The following RUSF1 variants were observed in gnomAD, a reference collection of about 807,000 sequenced individuals.
RUSF1 encodes the protein RUS1 family protein C16orf58.
In RUSF1, 58 loss-of-function variants were observed where a neutral mutation model predicts 63.0. The ratio of observed to expected loss-of-function variants is 0.92; its 90% CI spans 0.75 to 1.15. RUSF1 has a LOEUF of 1.15. RUSF1 is among the 50% of genes most tolerant of loss of function. The pLI is 0.00. For missense variants in RUSF1, 652 were observed against 611.0 expected, an observed-to-expected ratio of 1.07 and a Z score of -0.71; for synonymous variants, 274 against 255.8, an observed-to-expected ratio of 1.07 and a Z score of -0.68.
chr16:31,493,670 C>T lies in RUSF1; in HGVS notation c.891G>A (p.Lys297=), dbSNP rs2082586735. 1 of 1,614,120 alleles carries T rather than the reference C, an allele frequency of 6.2e-7. No homozygotes were observed. The highest frequency in any genetic ancestry group is 8.5e-7 in the Non-Finnish European group (1 of 1,180,056). The change falls in exon 8 of 13, where the codon AAG becomes AAA. Residue 297 remains lysine, a synonymous_variant. Transcript: ENST00000327237. The part of the protein sequence containing the change: ...LNEGRLRLVL[K]HYLQRGEVLD... ...GTACCTCTCCCCTCTGAAGGTAGTGCTTCAGGACCAGCCGGAGCCGGCCTT... is the reference window on the plus strand; with the variant it reads ...GTACCTCTCCCCTCTGAAGGTAGTGTTTCAGGACCAGCCGGAGCCGGCCTT...
rs760576182 is a variant in RUSF1 at position 31,507,813 on chromosome 16, C to G, written c.366G>C (p.Gly122=). The change falls in exon 2 of 13, where the codon GGG becomes GGC. Residue 122 remains glycine (G), a synonymous_variant. Transcript: ENST00000327237. Reference sequence around the variant, plus strand: ...CAGCTGAAACAGTGGCTTTTGCGTTCCCCACCCCTATGCCCAGCAAGACTG... The same window carrying G: ...CAGCTGAAACAGTGGCTTTTGCGTTGCCCACCCCTATGCCCAGCAAGACTG... ...TQAVLLGIGV[G]NAKATVSAAT... The G allele has an allele frequency of 5.7e-6, 9 of 1,579,362 alleles. No individual in the cohort carries two copies. The highest frequency in any genetic ancestry group is 1.7e-4 in the Middle Eastern group (1 of 6,046).
rs748959041 is a variant in RUSF1, at chr16:31,500,704, A to G, written c.443T>C (p.Val148Ala). 14 of 1,612,918 alleles carry G rather than the reference A, an allele frequency of 8.7e-6. No individual in the cohort carries two copies. The highest frequency in any genetic ancestry group is 1.6e-4 in the Middle Eastern group (1 of 6,076). The change falls in exon 3 of 13, where the codon GTC becomes GCC. Residue 148 changes from valine to alanine, a missense_variant. Physicochemically the swap from Val to Ala is moderately conservative, Grantham distance 64. Coordinates refer to ENST00000327237, the MANE Select transcript of RUSF1 (RefSeq NM_022744.4). Reference protein sequence around the residue: ...KDSTGMLGRIVFAWWKGSKLD... With the variant: ...KDSTGMLGRIAFAWWKGSKLD... ...AACTCACCCTTTCCACCAGGCAAAG[A>G]CGATGCGGCCCAGCATGCCAGTTGA...
chr16:31,508,377 G>C lies in RUSF1; in HGVS notation c.-4C>G, dbSNP rs541438147. ...CCAAACCCGCGTCGTCAGCCATGCCGAGCTTTTGGATCCCAGCCCCGCCCC... is the reference window on the plus strand; with the variant it reads ...CCAAACCCGCGTCGTCAGCCATGCCCAGCTTTTGGATCCCAGCCCCGCCCC... On this transcript the variant is annotated 5_prime_UTR_variant, in exon 1 of 13. Transcript: ENST00000327237. 8.0e-6 allele frequency: 12 copies of C among 1,495,530 alleles called. No homozygotes were observed. The South Asian group carries it at 1.5e-4, about 19-fold the overall frequency. 92.6% of individuals were successfully genotyped at this position (1,495,530 alleles called of 1,614,324 possible).
At chr16:31,505,070 C>T (rs1209901492) in intron 2 of RUSF1, among the ~76,000 whole-genome samples, 4 of 152,044 alleles carry the variant, frequency 2.6e-5, no homozygotes, top group African/African-American at 4.8e-5. Flanking sequence ...GATGTGGCCT[C>T]GTGGGAAGGA....
intron 2 of RUSF1, among the ~76,000 whole-genome samples, chr16:31,506,566 G>A (rs1322540257): frequency 6.6e-6 from 1 of 151,862 alleles, no homozygotes; most frequent in Non-Finnish European, 1.5e-5. Context: ...TGGATCACCC[G>A]AAGTCAGGAG....
rs1038844022 is a variant in RUSF1 at position 31,508,315 on chromosome 16, T to G, written c.59A>C (p.Glu20Ala). ...PLCSEQFGSG[E>A]ARGCRAAADG... Reference sequence around the variant, plus strand: ...CGCGGCGGCGCGGCAGCCCCGTGCCTCCCCGGAGCCGAACTGCTCGGAACA... The same window carrying G: ...CGCGGCGGCGCGGCAGCCCCGTGCCGCCCCGGAGCCGAACTGCTCGGAACA... Residue 20 changes from glutamate (E) to alanine (A), a missense_variant, in exon 1 of 13, where the codon GAG (glutamate) becomes GCG (alanine). Physicochemically the swap from Glu to Ala is moderately radical, Grantham distance 107. Coordinates refer to ENST00000327237, the MANE Select transcript of RUSF1 (RefSeq NM_022744.4). 2 of 1,577,690 alleles carry G rather than the reference T, an allele frequency of 1.3e-6. No individual in the cohort carries two copies. Among genetic ancestry groups the G allele is most frequent in the African/African-American group, 2.7e-5 (2 of 74,234 alleles).
At chr16:31,503,135 C>A (rs1353864961) in intron 2 of RUSF1, among the ~76,000 whole-genome samples, 1 of 152,126 alleles carries the variant, frequency 6.6e-6, no homozygotes, top group Non-Finnish European at 1.5e-5. Context: ...TTTTTTTCCT[C>A]TTCATTTACA....
chr16:31,493,448 G>T lies in RUSF1; in HGVS notation c.1016+19C>A. 6.3e-7 allele frequency: 1 copy of T among 1,586,440 alleles called. No individual in the cohort carries two copies. The highest frequency in any genetic ancestry group is 2.3e-5 in the East Asian group (1 of 42,916). ...TGTGGGTGGCGGTGGTGACGAGCGGGAGACGCTAGGCCACTCACCTGGAGA... is the reference window on the plus strand; with the variant it reads ...TGTGGGTGGCGGTGGTGACGAGCGGTAGACGCTAGGCCACTCACCTGGAGA... On this transcript the variant is annotated intron_variant, in intron 9 of 12. Transcript: ENST00000327237.
At position 31,490,321 on chromosome 16, in the gene RUSF1, C is replaced by G. The variant is rs61746400; in HGVS notation, c.*514G>C. Reference sequence around the variant, plus strand: ...CAATTTCCCTCAGAGCCCCAGGCCCCGGCACCAAGCCTCTTCCGCCAGTGC... The same window carrying G: ...CAATTTCCCTCAGAGCCCCAGGCCCGGGCACCAAGCCTCTTCCGCCAGTGC... On this transcript the variant is annotated 3_prime_UTR_variant, in exon 13 of 13. Coordinates refer to ENST00000327237, the MANE Select transcript of RUSF1 (RefSeq NM_022744.4). 4 of 1,611,982 alleles carry G rather than the reference C, an allele frequency of 2.5e-6. No homozygotes were observed. The highest frequency in any genetic ancestry group is 3.4e-6 in the Non-Finnish European group (4 of 1,179,244).
intron 3 of RUSF1, among the ~76,000 whole-genome samples, chr16:31,500,152 G>A (rs1166088643): frequency 6.6e-6 from 1 of 152,208 alleles, no homozygotes; most frequent in Non-Finnish European, 1.5e-5. Flanking sequence ...CCCAGTGGCA[G>A]GAGATACTGC....
At chr16:31,493,095 A>G (rs756858949) in intron 9 of RUSF1, 47 bp from the exon 10 acceptor site, 34 of 1,582,150 alleles carry the variant, frequency 2.1e-5, no homozygotes, top group Admixed American at 6.8e-5. Context: ...CAGCAAAGGC[A>G]GGCATGCCCA....
chr16:31,507,484 A>G (rs1224955651), intron 2 of RUSF1, among the ~76,000 whole-genome samples: 1 of 152,092 alleles, frequency 6.6e-6, no homozygotes, highest in African/African-American at 2.4e-5. Flanking sequence ...TTCCACAAAG[A>G]GAATAGGGAT....
At position 31,493,018 on chromosome 16, in the gene RUSF1, C is replaced by T. The variant is rs1029958960; in HGVS notation, c.1047G>A (p.Gly349=). Reference sequence around the variant, plus strand: ...AGCAGAGGAGGTAGGATTCTTGGTGCCCCTCAACCAGCTGCTGCAGCTCAA... The same window carrying T: ...AGCAGAGGAGGTAGGATTCTTGGTGTCCCTCAACCAGCTGCTGCAGCTCAA... ...SVFELQQLVE[G]HQESYLLCWD... Residue 349 remains glycine, a synonymous_variant, in exon 10 of 13, where the codon GGG becomes GGA. Transcript: ENST00000327237. 2.5e-6 allele frequency: 4 copies of T among 1,613,704 alleles called. No homozygotes were observed. Among genetic ancestry groups the T allele is most frequent in the East Asian group, 2.2e-5 (1 of 44,860 alleles).
rs2082546085 is a variant in RUSF1, at chr16:31,489,931, A to G, written c.*904T>C. On this transcript the variant is annotated 3_prime_UTR_variant, in exon 13 of 13. Transcript: ENST00000327237. ...GCTCAGGGGCTTGGGGTTTATCCCGAGGGCACAGGGCAGCCATGTAGGGTG... is the reference window on the plus strand; with the variant it reads ...GCTCAGGGGCTTGGGGTTTATCCCGGGGGCACAGGGCAGCCATGTAGGGTG... 1 of 822,154 alleles carries G rather than the reference A, an allele frequency of 1.2e-6. No homozygotes were observed. Among genetic ancestry groups the G allele is most frequent in the Non-Finnish European group, 2.0e-6 (1 of 501,648 alleles). The allele number at this position is 822,154 out of a possible 1,614,324, so 50.9% of individuals were successfully genotyped here.
In RUSF1 at chr16:31,500,763, G is replaced by A. The variant is rs767451391; in HGVS notation, c.416-32C>T. On this transcript the variant is annotated intron_variant, in intron 2 of 12. Coordinates refer to ENST00000327237, the MANE Select transcript of RUSF1 (RefSeq NM_022744.4). ...GAAAGAAGGCACAGGTAAGGAGCAA[G>A]GAAGAGGTGTGGGAGCTGTGGGGCC... 3.1e-6 allele frequency: 5 copies of A among 1,605,458 alleles called. No homozygotes were observed. The East Asian group carries it at 1.1e-4, about 36-fold the overall frequency.
chr16:31,494,912 G>A (rs1235049007), intron 6 of RUSF1, among the ~76,000 whole-genome samples: 1 of 152,116 alleles, frequency 6.6e-6, no homozygotes, highest in Non-Finnish European at 1.5e-5. Flanking sequence ...CTGGGCTCAA[G>A]CAATCCCCAC....
At chr16:31,491,618 C>CTTTTT (rs955069758) in intron 12 of RUSF1, among the ~76,000 whole-genome samples, 1 of 123,026 alleles carries the variant, frequency 8.1e-6, no homozygotes, top group African/African-American at 3.1e-5. Context: ...GCCCGACAGT[C>CTTTTT]TTTTTTTTTT....
intron 2 of RUSF1, among the ~76,000 whole-genome samples, chr16:31,503,591 A>C (rs1309305861): frequency 6.6e-6 from 1 of 152,220 alleles, no homozygotes; most frequent in Non-Finnish European, 1.5e-5. Context: ...TCTGCACAGA[A>C]ATTTCCCATG....
Position 31,500,705 on chromosome 16 carries a change from C to T in RUSF1, c.442G>A (p.Val148Ile), listed in dbSNP as rs770398903. ...ACTCACCCTTTCCACCAGGCAAAGACGATGCGGCCCAGCATGCCAGTTGAA... is the reference window on the plus strand; with the variant it reads ...ACTCACCCTTTCCACCAGGCAAAGATGATGCGGCCCAGCATGCCAGTTGAA... Reference protein sequence around the residue: ...KDSTGMLGRIVFAWWKGSKLD... With the variant: ...KDSTGMLGRIIFAWWKGSKLD... Residue 148 changes from valine (V) to isoleucine (I), a missense_variant, in exon 3 of 13, where the codon GTC becomes ATC. Transcript: ENST00000327237. 1.8e-5 allele frequency: 29 copies of T among 1,612,592 alleles called. No individual in the cohort carries two copies. The highest frequency in any genetic ancestry group is 1.7e-4 in the African/African-American group (13 of 75,038).
Sources: gnomAD v4.1 joint callset for allele counts (sites outside exome capture counted in the v4.1 genomes callset) on GRCh38, gnomAD v4.1.1 for gene constraint, MANE v1.5 for transcripts, NCBI Gene and HGNC (gene_info 2026-07-23, HGNC 2026-07-21) for gene names.